The following FKBP7 variants were observed in gnomAD, a reference collection of about 807,000 sequenced individuals.
The protein encoded by FKBP7 is peptidyl-prolyl cis-trans isomerase FKBP7.
A neutral mutation model predicts 24.3 loss-of-function variants in FKBP7; 24 were observed. The observed-to-expected ratio is 0.99, with a 90% CI of 0.72 to 1.39. The LOEUF (loss-of-function observed/expected upper bound fraction) is 1.39, where lower values mean the gene tolerates loss of function less well. Ranked by LOEUF, FKBP7 falls within the 40% of genes most tolerant of loss-of-function variation. The pLI, the probability that FKBP7 is intolerant of heterozygous loss-of-function variation, is 0.00. For missense variants in FKBP7, 257 were observed against 269.5 expected, an observed-to-expected ratio of 0.95 and a Z score of 0.33; for synonymous variants, 98 against 92.8, an observed-to-expected ratio of 1.06 and a Z score of -0.32.
chr2:178,472,704 C>A (rs1684882247), intron 2 of FKBP7, among the ~76,000 whole-genome samples: 1 of 151,788 alleles, frequency 6.6e-6, no homozygotes, highest in South Asian at 2.1e-4. Context: ...CAAAAATTAG[C>A]CAGGCATGGT....
At chr2:178,466,029 A>G in intron 3 of FKBP7, 98 bp from the exon 4 acceptor site, 1 of 1,018,240 alleles carries the variant, frequency 9.8e-7, no homozygotes. Context: ...CATGTGCAAG[A>G]TTACTTACAG....
intron 2 of FKBP7, among the ~76,000 whole-genome samples, chr2:178,474,024 C>G (rs1308392304): frequency 6.6e-6 from 1 of 152,164 alleles, no homozygotes; most frequent in Non-Finnish European, 1.5e-5. Flanking sequence ...CTGACACCCC[C>G]CCACCACCCG....
chr2:178,464,182 T>A lies in FKBP7; in HGVS notation c.*1588A>T, dbSNP rs992624742. The stretch of plus-strand genomic sequence containing the variant: ...TATTTTTAAATAGAATTTTTGATAG[T>A]GTAAAGAAGTTAAAGGATGAACAAT... On this transcript the variant is annotated 3_prime_UTR_variant, in exon 4 of 4. Transcript: ENST00000424785. The A allele has an allele frequency of 6.6e-6, 1 of 152,214 alleles. No individual in the cohort carries two copies. Among genetic ancestry groups the A allele is most frequent in the African/African-American group, 2.4e-5 (1 of 41,452 alleles). The allele number at this position is 152,214 out of a possible 1,614,324, so 9.4% of individuals were successfully genotyped here.
At chr2:178,470,652 A>C (rs1684821934) in intron 2 of FKBP7, among the ~76,000 whole-genome samples, 1 of 152,166 alleles carries the variant, frequency 6.6e-6, no homozygotes, top group Non-Finnish European at 1.5e-5. Flanking sequence ...GCAATGATAG[A>C]AAAATCCAGT....
At chr2:178,471,493 G>A (rs1253972119) in intron 2 of FKBP7, among the ~76,000 whole-genome samples, 4 of 152,242 alleles carry the variant, frequency 2.6e-5, no homozygotes, top group African/African-American at 4.8e-5. Flanking sequence ...GATTACAGGC[G>A]TGAGTCACCG....
At chr2:178,471,604 C>T (rs1231038833) in intron 2 of FKBP7, among the ~76,000 whole-genome samples, 6 of 152,264 alleles carry the variant, frequency 3.9e-5, no homozygotes, top group East Asian at 1.9e-4. Context: ...TAAGGGGCAG[C>T]GGGTAGCTTG....
At chr2:178,473,078 T>A in intron 2 of FKBP7, 2 of 1,305,340 alleles carry the variant, frequency 1.5e-6, no homozygotes, top group Non-Finnish European at 2.0e-6. Flanking sequence ...TTTCAAGACA[T>A]GCAGGGTTGT....
intron 2 of FKBP7, among the ~76,000 whole-genome samples, chr2:178,473,648 G>A (rs920985224): frequency 2.0e-5 from 3 of 152,186 alleles, no homozygotes; most frequent in African/African-American, 7.2e-5. Flanking sequence ...ATAGGAGAGT[G>A]GGTGCTCTAG....
intron 3 of FKBP7, among the ~76,000 whole-genome samples, chr2:178,466,527 C>G (rs1466795373): frequency 6.6e-6 from 1 of 152,058 alleles, no homozygotes; most frequent in Non-Finnish European, 1.5e-5. Context: ...ATAGTAGCCA[C>G]TAGCCACATG....
At position 178,464,419 on chromosome 2, in the gene FKBP7, G is replaced by C. The variant is rs1429976037; in HGVS notation, c.*1351C>G. The C allele has an allele frequency of 6.6e-6, 1 of 152,246 alleles. No individual in the cohort carries two copies. The highest frequency in any genetic ancestry group is 1.5e-5 in the Non-Finnish European group (1 of 68,060). 9.4% of individuals were successfully genotyped at this position (152,246 alleles called of 1,614,324 possible). On this transcript the variant is annotated 3_prime_UTR_variant, in exon 4 of 4. Coordinates refer to ENST00000424785, the MANE Select transcript of FKBP7 (RefSeq NM_181342.3). Reference sequence around the variant, plus strand: ...CTCATGGTTCCCCATGGCTGGGGAGGCCTCAGGAAGCTTACAATCATGGTG... The same window carrying C: ...CTCATGGTTCCCCATGGCTGGGGAGCCCTCAGGAAGCTTACAATCATGGTG...
rs2154126550 is a variant in FKBP7, at chr2:178,465,136, G to A, written c.*634C>T. The A allele has an allele frequency of 6.6e-6, 1 of 152,286 alleles. No homozygotes were observed. The highest frequency in any genetic ancestry group is 1.5e-5 in the Non-Finnish European group (1 of 68,020). 9.4% of individuals were successfully genotyped at this position (152,286 alleles called of 1,614,324 possible). A position where few individuals can be genotyped will look rare whatever the true frequency, so the allele number is the denominator to read the frequency against. ...TGCTATAAGAGGCAAAAAGTCTTTG[G>A]TTTGGTCAAATATTTTTAAACATTC... On this transcript the variant is annotated 3_prime_UTR_variant, in exon 4 of 4. Coordinates refer to ENST00000424785, the MANE Select transcript of FKBP7 (RefSeq NM_181342.3).
rs769021295 is a variant in FKBP7, at chr2:178,478,495, G to C, written c.5C>G (p.Pro2Arg). 1 of 1,613,856 alleles carries C rather than the reference G, an allele frequency of 6.2e-7. No individual in the cohort carries two copies. Among genetic ancestry groups the C allele is most frequent in the African/African-American group, 1.3e-5 (1 of 74,894 alleles). Residue 2 changes from proline to arginine, a missense_variant, in exon 1 of 4, where the codon CCA (proline) becomes CGA (arginine). Pro to Arg is a moderately radical substitution (Grantham distance 103). Coordinates refer to ENST00000424785, the MANE Select transcript of FKBP7 (RefSeq NM_181342.3). The stretch of plus-strand genomic sequence containing the variant: ...TCTGAATAAGAAATGCATGGTTTTT[G>C]GCATCGGCTCCAGCAGAACACTGCT... M[P>R]KTMHFLFRFI...
rs778701740 is a variant in FKBP7 at position 178,477,211 on chromosome 2, C to T, written c.224G>A (p.Arg75Gln). The T allele has an allele frequency of 6.2e-6, 10 of 1,606,804 alleles. No homozygotes were observed. The highest frequency in any genetic ancestry group is 2.2e-5 in the East Asian group (1 of 44,734). Residue 75 changes from arginine (R) to glutamine (Q), a missense_variant and splice_region_variant, in exon 2 of 4, where the codon CGG becomes CAG. Transcript: ENST00000424785. ...TTTGGGGTGGCCTTCATTTTGTGTC[C>T]GGCTATAACAAAAAGCAATACTTAA... ...AKDGSKFYCSRTQNEGHPKWF... is the reference protein window; with the variant it reads ...AKDGSKFYCSQTQNEGHPKWF...
intron 3 of FKBP7, among the ~76,000 whole-genome samples, chr2:178,467,298 TC>T (rs1221287264): frequency 6.6e-6 from 1 of 152,204 alleles, no homozygotes; most frequent in Non-Finnish European, 1.5e-5. Context: ...ATACTGTATT[TC>T]CCCCGTCCTT....
At chr2:178,478,196 A>G in intron 1 of FKBP7, 83 bp downstream of exon 1, 8 of 1,518,502 alleles carry the variant, frequency 5.3e-6, no homozygotes, top group Non-Finnish European at 7.2e-6. Context: ...ACCCCAACCA[A>G]CCAACCAATG....
rs1685073173 is a variant in FKBP7 at position 178,478,343 on chromosome 2, CCTT to C, written c.154_156del (p.Lys52del). The C allele has an allele frequency of 5.0e-6, 8 of 1,614,144 alleles. No homozygotes were observed. In the Admixed American group the frequency reaches 5.0e-5, roughly 10 times the overall value. Reference sequence around the variant, plus strand: ...TCATAATGGGCATTTAGTAGGTCTCCCTTCTTGCTTGTCTTAGAGCAGTTTTCT... The same window carrying C: ...TCATAATGGGCATTTAGTAGGTCTCCCTTGCTTGTCTTAGAGCAGTTTTCT... On this transcript the variant is annotated inframe_deletion, in exon 1 of 4. Coordinates refer to ENST00000424785, the MANE Select transcript of FKBP7 (RefSeq NM_181342.3).
At chr2:178,472,166 C>A (rs1346272081) in intron 2 of FKBP7, among the ~76,000 whole-genome samples, 1 of 151,698 alleles carries the variant, frequency 6.6e-6, no homozygotes, top group Admixed American at 6.6e-5. Context: ...CCTCCACCTC[C>A]CGAGTTCAAG....
At chr2:178,472,274 T>C (rs1684867659) in intron 2 of FKBP7, among the ~76,000 whole-genome samples, 1 of 151,812 alleles carries the variant, frequency 6.6e-6, no homozygotes, top group South Asian at 2.1e-4. Context: ...GGGGTTTCAC[T>C]ATGTTGGCCA....
chr2:178,477,145 T>C lies in FKBP7; in HGVS notation c.290A>G (p.Asp97Gly). 1 of 1,613,268 alleles carries C rather than the reference T, an allele frequency of 6.2e-7. No individual in the cohort carries two copies. Among genetic ancestry groups the C allele is most frequent in the Non-Finnish European group, 8.5e-7 (1 of 1,179,574 alleles). ...LGVGQVIKGL[D>G]IAMTDMCPGE... ...AGGGCACATATCTGTCATAGCAATG[T>C]CTAGGCCTTTTATGACTTGCCCAAC... The change falls in exon 2 of 4, where the codon GAC (aspartate) becomes GGC (glycine). Residue 97 changes from aspartate to glycine, a missense_variant. Coordinates refer to ENST00000424785, the MANE Select transcript of FKBP7 (RefSeq NM_181342.3).
Sources: gnomAD v4.1 joint callset for allele counts (sites outside exome capture counted in the v4.1 genomes callset) on GRCh38, gnomAD v4.1.1 for gene constraint, MANE v1.5 for transcripts, NCBI Gene and HGNC (gene_info 2026-07-23, HGNC 2026-07-21) for gene names.